The following AGAP2 variants were observed in gnomAD, a reference collection of about 807,000 sequenced individuals.
AGAP2 encodes arf-GAP with GTPase, ANK repeat and PH domain-containing protein 2.
A neutral mutation model predicts 110.9 loss-of-function variants in AGAP2; 32 were observed. The observed-to-expected ratio is 0.29, with a 90% CI of 0.22 to 0.39. AGAP2 has a LOEUF of 0.39. Ranked by LOEUF, AGAP2 falls within the 10% of genes least tolerant of loss-of-function variation. The pLI is 1.00. For synonymous variants in AGAP2, 702 were observed against 713.0 expected, an observed-to-expected ratio of 0.98 and a Z score of 0.25; for missense variants, 1,285 against 1,638.5, an observed-to-expected ratio of 0.78 and a Z score of 3.72.
chr12:57,730,745 C>A, intron 11 of AGAP2, 46 bp downstream of exon 11: 1 of 1,611,260 alleles, frequency 6.2e-7, no homozygotes. Context: ...CTCTTTTTCC[C>A]CAGCCCTGGC....
chr12:57,734,528 C>A (rs1954944610), intron 3 of AGAP2, 64 bp downstream of exon 3: 1 of 1,596,690 alleles, frequency 6.3e-7, no homozygotes, highest in Non-Finnish European at 8.6e-7. Context: ...CCTGCCTAAT[C>A]ATTGATCTCA....
At chr12:57,723,826 TGAAAG>T (rs1565787375), downstream of AGAP2, 1 of 152,264 alleles carries the variant, frequency 6.6e-6, no homozygotes, top group African/African-American at 2.4e-5. Flanking sequence ...TGGCTGGAAA[TGAAAG>T]GAACTTCCCA....
intron 5 of AGAP2, among the ~76,000 whole-genome samples, chr12:57,733,782 C>G (rs1418705783): frequency 6.6e-6 from 1 of 152,170 alleles, no homozygotes; most frequent in African/African-American, 2.4e-5. Flanking sequence ...TCAGGAGAGG[C>G]AAGGAGATGG....
In AGAP2 at chr12:57,726,813, C is replaced by T. The variant is rs1158831448; in HGVS notation, c.3337-19G>A. 5 of 1,428,160 alleles carry T rather than the reference C, an allele frequency of 3.5e-6. No homozygotes were observed. Among genetic ancestry groups the T allele is most frequent in the Non-Finnish European group, 4.6e-6 (5 of 1,095,966 alleles). The allele number at this position is 1,428,160 out of a possible 1,614,324, so 88.5% of individuals were successfully genotyped here. Reference sequence around the variant, plus strand: ...CGCCGTACTAGAGGGCGGAAACGGCCGCGTGACCGCGCGTCCCCAGGGCGC... The same window carrying T: ...CGCCGTACTAGAGGGCGGAAACGGCTGCGTGACCGCGCGTCCCCAGGGCGC... On this transcript the variant is annotated intron_variant, in intron 18 of 18. Coordinates refer to ENST00000547588, the MANE Select transcript of AGAP2 (RefSeq NM_001122772.3). This position sits in a 1 kb window ranked among gnomAD's most constrained non-coding sequence, Gnocchi z 5.7.
intron 1 of AGAP2, among the ~76,000 whole-genome samples, 196 bp downstream of exon 1, chr12:57,736,883 C>G (rs1954991789): frequency 6.6e-6 from 1 of 152,238 alleles, no homozygotes; most frequent in Non-Finnish European, 1.5e-5. Flanking sequence ...GTCCTTTCTC[C>G]TGTCGCACAA....
rs774527031 is a variant in AGAP2 at position 57,737,161 on chromosome 12, G to A, written c.1086C>T (p.Ser362=). The change falls in exon 1 of 19, where the codon TCC becomes TCT. Residue 362 remains serine (S), a synonymous_variant. Coordinates refer to ENST00000547588, the MANE Select transcript of AGAP2 (RefSeq NM_001122772.3). This position sits in a 1 kb window ranked among gnomAD's most constrained non-coding sequence, Gnocchi z 5.9. ...FTKSTGGPPG[S]GPLPGPPSLS... ...GGCTGGGGGGTCCGGGAAGGGGCCC[G>A]GAGCCAGGAGGCCCTCCTGTGCTCT... The A allele has an allele frequency of 1.2e-5, 19 of 1,575,572 alleles. No individual in the cohort carries two copies. Among genetic ancestry groups the A allele is most frequent in the East Asian group, 2.3e-5 (1 of 42,912 alleles).
At chr12:57,728,513 G>T in intron 13 of AGAP2, 136 bp from the exon 14 acceptor site, 2 of 895,494 alleles carry the variant, frequency 2.2e-6, no homozygotes, top group Non-Finnish European at 3.5e-6. Flanking sequence ...AGACAAAGCA[G>T]GACAGACAGA....
In AGAP2 at chr12:57,738,607, A is replaced by G. The variant is rs971355269; in HGVS notation, c.-361T>C. On this transcript the variant is annotated 5_prime_UTR_variant, in exon 1 of 19. Transcript: ENST00000547588. This position sits in a 1 kb window ranked among gnomAD's most constrained non-coding sequence, Gnocchi z 6.7. ...GGGCAAATGGGGGAGAGAGAGGAAAAGGGAGCAGAAAAGGGGACCGGAGGC... is the reference window on the plus strand; with the variant it reads ...GGGCAAATGGGGGAGAGAGAGGAAAGGGGAGCAGAAAAGGGGACCGGAGGC... Among the ~76,000 whole-genome samples, 3 of 150,770 alleles carry G rather than the reference A, an allele frequency of 2.0e-5. No homozygotes were observed. Among genetic ancestry groups the G allele is most frequent in the African/African-American group, 4.9e-5 (2 of 40,862 alleles).
At chr12:57,734,294 T>C (rs1287763210) in intron 4 of AGAP2, 25 bp downstream of exon 4, 1 of 1,613,872 alleles carries the variant, frequency 6.2e-7, no homozygotes, top group Non-Finnish European at 8.5e-7. Flanking sequence ...CCAGCCAGCC[T>C]GTCCCCCACC....
rs1210627599 is a variant in AGAP2 at position 57,738,075 on chromosome 12, C to T, written c.172G>A (p.Ala58Thr). ...TGCCGCTTCTTGCCCGGCTCCTCCG[C>T]GCCTCGGGGGCTGCCAGGATCCCCA... ...ETGDPGSPRGAEEPGKKRHER... is the reference protein window; with the variant it reads ...ETGDPGSPRGTEEPGKKRHER... The change falls in exon 1 of 19, where the codon GCG becomes ACG. Residue 58 changes from alanine to threonine, a missense_variant. This residue lies in a region of AGAP2 where 844 missense variants were observed against 941.2 expected (regional missense o/e 0.90). Transcript: ENST00000547588. This position sits in a 1 kb window ranked among gnomAD's most constrained non-coding sequence, Gnocchi z 6.7. 3.3e-6 allele frequency: 5 copies of T among 1,524,862 alleles called. No homozygotes were observed. Among genetic ancestry groups the T allele is most frequent in the African/African-American group, 1.4e-5 (1 of 71,220 alleles). 94.5% of individuals were successfully genotyped at this position (1,524,862 alleles called of 1,614,324 possible).
intron 7 of AGAP2, 56 bp downstream of exon 7, chr12:57,732,347 C>A (rs1954901633): frequency 6.7e-7 from 1 of 1,487,352 alleles, no homozygotes; most frequent in African/African-American, 1.4e-5. Context: ...GTCCTAGGAT[C>A]CCCAGCCCCT....
At chr12:57,731,260 A>G (rs1438925585) in intron 10 of AGAP2, 106 bp downstream of exon 10, 1 of 977,908 alleles carries the variant, frequency 1.0e-6, no homozygotes, top group Non-Finnish European at 1.6e-6. Context: ...AGAGAAGAGG[A>G]CTAGCACTTC....
chr12:57,728,264 C>T (rs1954812701), intron 14 of AGAP2, 54 bp downstream of exon 14: 2 of 1,594,454 alleles, frequency 1.3e-6, no homozygotes, highest in Non-Finnish European at 8.6e-7. Flanking sequence ...GGCGGGGGCA[C>T]CCCCACCCTT....
chr12:57,741,925 C>T, upstream of AGAP2: 1 of 1,613,880 alleles, frequency 6.2e-7, no homozygotes, highest in Non-Finnish European at 8.5e-7. Flanking sequence ...GAATGCTGTC[C>T]AATGAGGCCT....
At chr12:57,724,724 C>T (rs867645187), downstream of AGAP2, 1 of 152,294 alleles carries the variant, frequency 6.6e-6, no homozygotes, top group Admixed American at 6.5e-5. Flanking sequence ...GGGCAGCCCT[C>T]CTCAGAGCTG....
At chr12:57,736,825 G>A (rs1954991058) in intron 1 of AGAP2, among the ~76,000 whole-genome samples, 1 of 152,194 alleles carries the variant, frequency 6.6e-6, no homozygotes, top group African/African-American at 2.4e-5. Flanking sequence ...TCTGATCAAG[G>A]ACGTTACTTT....
upstream of AGAP2, chr12:57,742,136 C>A: frequency 6.4e-7 from 1 of 1,560,926 alleles, no homozygotes; most frequent in Non-Finnish European, 8.7e-7. Flanking sequence ...GGCCCTACAG[C>A]CCCCAAACCT....
In AGAP2 at chr12:57,734,644, C is replaced by A. The variant is rs142813306; in HGVS notation, c.1263G>T (p.Ser421=). ...AGCCAGTCAGGAATCGGTGGATGAG[C>A]GATGACTTCCCACTCCTGGCATCGC... ...VLGDARSGKS[S]LIHRFLTGSY... The change falls in exon 3 of 19, where the codon TCG becomes TCT. Residue 421 remains serine, a synonymous_variant. Coordinates refer to ENST00000547588, the MANE Select transcript of AGAP2 (RefSeq NM_001122772.3). 1.2e-6 allele frequency: 2 copies of A among 1,614,144 alleles called. No individual in the cohort carries two copies. Among genetic ancestry groups the A allele is most frequent in the Non-Finnish European group, 1.7e-6 (2 of 1,180,024 alleles).
chr12:57,730,290 G>T, intron 12 of AGAP2: 1 of 743,478 alleles, frequency 1.3e-6, no homozygotes, highest in East Asian at 2.9e-5. Flanking sequence ...GGCAAGCCAG[G>T]ATTCAAGCTC....
Sources: allele counts gnomAD v4.1 joint callset (sites outside exome capture counted in the v4.1 genomes callset), GRCh38; gene constraint gnomAD v4.1.1; regional missense constraint gnomAD v4.1.1; non-coding constraint Gnocchi (gnomAD v3.1); transcripts MANE v1.5; gene names NCBI Gene and HGNC (gene_info 2026-07-23, HGNC 2026-07-21).